Variants in CSMD3 observed in about 807,000 individuals in gnomAD.
The protein encoded by CSMD3 is CUB and sushi domain-containing protein 3.
In CSMD3, 177 loss-of-function variants were observed where a neutral mutation model predicts 435.2. The ratio of observed to expected loss-of-function variants is 0.41; its 90% CI spans 0.36 to 0.46. The LOEUF (loss-of-function observed/expected upper bound fraction) is 0.46, where lower values mean the gene tolerates loss of function less well. Among genes scored for constraint, CSMD3 ranks in the 20% least tolerant of loss-of-function variants. The probability of loss-of-function intolerance (pLI) is 0.34; values close to 1 mark genes in which losing one functional copy is unlikely to be tolerated. For missense variants in CSMD3, 4,265 were observed against 4,504.6 expected (o/e 0.95, Z 1.52); for synonymous variants, 1,656 against 1,520.5 (o/e 1.09, Z -2.07).
At chr8:113,371,215 A>G (rs2094344494) in intron 1 of CSMD3, among the ~76,000 whole-genome samples, 1 of 152,048 alleles carries the variant, frequency 6.6e-6, no homozygotes, top group Admixed American at 6.6e-5. Context: ...TTACTTAACT[A>G]CTTCCTTTTT....
chr8:112,250,978 C>A (rs1815205997), intron 63 of CSMD3, among the ~76,000 whole-genome samples: 1 of 151,548 alleles, frequency 6.6e-6, no homozygotes, highest in African/African-American at 2.4e-5. Context: ...ATTTATATAG[C>A]AAATAATATA....
At chr8:112,807,240 G>T (rs2079111252) in intron 12 of CSMD3, among the ~76,000 whole-genome samples, 1 of 152,096 alleles carries the variant, frequency 6.6e-6, no homozygotes, top group Non-Finnish European at 1.5e-5. Flanking sequence ...TAAATACCTT[G>T]TCTGGGAAAT....
chr8:113,051,681 T>C lies in CSMD3; in HGVS notation c.918-32502A>G, dbSNP rs1280524446. On this transcript the variant is annotated intron_variant, in intron 5 of 70. Transcript: ENST00000297405. ...GCTACATTTGTGATAAAGACACTAC[T>C]GATCACTTTGGTCACCCAACTGTAT... is the stretch of plus-strand genomic sequence containing the variant. Among the ~76,000 whole-genome samples, 7 of 152,224 alleles carry C rather than the reference T, an allele frequency of 4.6e-5. No individual in the cohort carries two copies. The East Asian group carries it at 1.3e-3, about 29-fold the overall frequency.
intron 8 of CSMD3, among the ~76,000 whole-genome samples, chr8:112,949,885 T>C (rs1342027522): frequency 6.6e-6 from 1 of 152,012 alleles, no homozygotes; most frequent in Non-Finnish European, 1.5e-5. Context: ...GTTTTCTCCA[T>C]GTCTCCATGT....
At chr8:112,391,584 C>A (rs2131296) in intron 35 of CSMD3, among the ~76,000 whole-genome samples, 1 of 151,916 alleles carries the variant, frequency 6.6e-6, no homozygotes, top group African/African-American at 2.4e-5. Context: ...CCCAGCTACT[C>A]TGGAGGCTGA....
chr8:112,314,868 T>C (rs1822318408), intron 47 of CSMD3, among the ~76,000 whole-genome samples: 1 of 151,994 alleles, frequency 6.6e-6, no homozygotes, highest in Admixed American at 6.6e-5. Flanking sequence ...AATAAATACA[T>C]AAATAAAATA....
intron 38 of CSMD3, 110 bp downstream of exon 38, chr8:112,380,241 CA>C (rs1829342861): frequency 1.7e-6 from 1 of 599,660 alleles, no homozygotes; most frequent in Admixed American, 2.8e-5. Context: ...GAAAATAAGA[CA>C]ATGTTTTCTT....
intron 19 of CSMD3, among the ~76,000 whole-genome samples, chr8:112,646,914 G>T (rs986664792): frequency 2.0e-5 from 3 of 152,102 alleles, no homozygotes; most frequent in Non-Finnish European, 4.4e-5. Flanking sequence ...AAATTACAAT[G>T]ATTTACTAAT....
chr8:113,428,692 C>A (rs1441170628), intron 1 of CSMD3, among the ~76,000 whole-genome samples: 5 of 151,746 alleles, frequency 3.3e-5, no homozygotes, highest in African/African-American at 1.2e-4. Context: ...TACCATTTCC[C>A]AAAACATAAG....
intron 6 of CSMD3, among the ~76,000 whole-genome samples, chr8:113,017,613 C>G (rs957867182): frequency 6.6e-6 from 1 of 151,698 alleles, no homozygotes; most frequent in Non-Finnish European, 1.5e-5. Context: ...TTGGCCTTAA[C>G]TAATTGTAGA....
chr8:112,932,594 T>C (rs1010209158), intron 9 of CSMD3, among the ~76,000 whole-genome samples: 2 of 151,362 alleles, frequency 1.3e-5, no homozygotes, highest in African/African-American at 4.9e-5. Flanking sequence ...GGCGAGATTG[T>C]GCCACTGCAC....
intron 27 of CSMD3, among the ~76,000 whole-genome samples, chr8:112,541,628 A>G (rs981571254): frequency 1.3e-5 from 2 of 151,940 alleles, no homozygotes; most frequent in Admixed American, 1.3e-4. Context: ...CCAACAAAGA[A>G]AAGCCCATGA....
At chr8:112,635,019 A>G (rs1292497105) in intron 22 of CSMD3, among the ~76,000 whole-genome samples, 6 of 152,068 alleles carry the variant, frequency 3.9e-5, no homozygotes, top group Non-Finnish European at 8.8e-5. Context: ...GGATTTTAGT[A>G]AGGATTAAAT....
chr8:113,436,594 G>T, intron 1 of CSMD3, 83 bp downstream of exon 1: 1 of 1,243,850 alleles, frequency 8.0e-7, no homozygotes, highest in Non-Finnish European at 1.2e-6. Flanking sequence ...GGTGCAAATT[G>T]CAAAGTAAGC....
At chr8:113,119,125 T>C (rs536405246) in intron 4 of CSMD3, among the ~76,000 whole-genome samples, 1 of 152,300 alleles carries the variant, frequency 6.6e-6, no homozygotes, top group East Asian at 1.9e-4. Context: ...CTCACTCTGC[T>C]CCTGAATTCT....
chr8:112,701,826 C>T (rs1446441480), intron 13 of CSMD3, among the ~76,000 whole-genome samples: 1 of 152,108 alleles, frequency 6.6e-6, no homozygotes, highest in Non-Finnish European at 1.5e-5. Context: ...AACCTCTGTG[C>T]CCTGAGGCAT....
intron 11 of CSMD3, among the ~76,000 whole-genome samples, chr8:112,839,661 C>G (rs568836768): frequency 6.6e-6 from 1 of 151,560 alleles, no homozygotes; most frequent in South Asian, 2.1e-4. Context: ...AAGAAGGGCT[C>G]TTTTTCTGTT....
At chr8:113,146,432 T>A (rs2131755445) in intron 4 of CSMD3, among the ~76,000 whole-genome samples, 1 of 151,744 alleles carries the variant, frequency 6.6e-6, no homozygotes, top group Admixed American at 6.6e-5. Flanking sequence ...ACACATCATT[T>A]GATTTACACT....
intron 3 of CSMD3, among the ~76,000 whole-genome samples, chr8:113,199,468 A>G (rs1227016214): frequency 6.6e-6 from 1 of 151,772 alleles, no homozygotes; most frequent in Non-Finnish European, 1.5e-5. Flanking sequence ...ATACAATATG[A>G]TCTGGGTGGG....
Sources: gnomAD v4.1 joint callset for allele counts (sites outside exome capture counted in the v4.1 genomes callset) on GRCh38, gnomAD v4.1.1 for gene constraint, MANE v1.5 for transcripts, NCBI Gene and HGNC (gene_info 2026-07-23, HGNC 2026-07-21) for gene names.